Variants in NAB1 observed in about 807,000 individuals in gnomAD.
NAB1 encodes NGFI-A binding protein 1, also known as NGFI-A-binding protein 1.
A neutral mutation model predicts 49.9 loss-of-function variants in NAB1; 25 were observed. That is an observed-to-expected ratio of 0.50 (90% CI 0.37 to 0.70). The LOEUF (loss-of-function observed/expected upper bound fraction) is 0.70. NAB1 is among the 30% of genes least tolerant of loss of function. NAB1 has a pLI of 0.00. For missense variants in NAB1, 489 were observed against 575.9 expected (o/e 0.85, Z 1.54); for synonymous variants, 198 against 215.6 (o/e 0.92, Z 0.71).
rs1001074678 is a variant in NAB1 at position 190,685,676 on chromosome 2, A to C, written c.1258+38A>C. 6.9e-7 allele frequency: 1 copy of C among 1,447,662 alleles called. No individual in the cohort carries two copies. The highest frequency in any genetic ancestry group is 9.2e-7 in the Non-Finnish European group (1 of 1,089,116). The allele number at this position is 1,447,662 out of a possible 1,614,324, so 89.7% of individuals were successfully genotyped here. A position where few individuals can be genotyped will look rare whatever the true frequency, so the allele number is the denominator to read the frequency against. ...AATATCCTATGCCTTTAGGGCCACT[A>C]TGTGCACTTCAAAGAGAAACAGAAG... is the stretch of plus-strand genomic sequence containing the variant. On this transcript the variant is annotated intron_variant, in intron 8 of 9. Coordinates refer to ENST00000337386, the MANE Select transcript of NAB1 (RefSeq NM_005966.4). This position sits in a 1 kb window ranked among gnomAD's most constrained non-coding sequence, Gnocchi z 4.5.
rs886323879 is a variant in NAB1, at chr2:190,659,047, C to T, written c.-19-111C>T. 8.8e-6 allele frequency: 6 copies of T among 679,512 alleles called. No individual in the cohort carries two copies. Among genetic ancestry groups the T allele is most frequent in the Admixed American group, 5.9e-5 (2 of 33,676 alleles). 42.1% of individuals were successfully genotyped at this position (679,512 alleles called of 1,614,324 possible). A position where few individuals can be genotyped will look rare whatever the true frequency, so the allele number is the denominator to read the frequency against. On this transcript the variant is annotated intron_variant, in intron 3 of 9. Coordinates refer to ENST00000337386, the MANE Select transcript of NAB1 (RefSeq NM_005966.4). The surrounding 1 kb of genome is among the most constrained non-coding windows in gnomAD (Gnocchi z 6.2). Reference sequence around the variant, plus strand: ...AGAATGCTGCCTTCACAGGCAGTCACGATGCAGATGCTTCTCGTTTTTGTT... The same window carrying T: ...AGAATGCTGCCTTCACAGGCAGTCATGATGCAGATGCTTCTCGTTTTTGTT...
At chr2:190,650,124 G>A (rs1025949313) in intron 2 of NAB1, 142 bp downstream of exon 2, 1 of 152,240 alleles carries the variant, frequency 6.6e-6, no homozygotes, top group African/African-American at 2.4e-5. Context: ...CGGGGAAAGG[G>A]ATAGTTGAGA....
rs1695521508 is a variant in NAB1 at position 190,684,748 on chromosome 2, A to G, written c.1096-728A>G. Among the ~76,000 whole-genome samples the G allele has an allele frequency of 6.6e-6, 1 of 152,202 alleles. No homozygotes were observed. The highest frequency in any genetic ancestry group is 1.5e-5 in the Non-Finnish European group (1 of 68,026). On this transcript the variant is annotated intron_variant, in intron 7 of 9. Coordinates refer to ENST00000337386, the MANE Select transcript of NAB1 (RefSeq NM_005966.4). The surrounding 1 kb of genome is among the most constrained non-coding windows in gnomAD (Gnocchi z 4.6). ...TTTTGACTATTATCTCCTTGGCAAAATACCACAAATACACTGCTCTGAATA... is the reference window on the plus strand; with the variant it reads ...TTTTGACTATTATCTCCTTGGCAAAGTACCACAAATACACTGCTCTGAATA...
Position 190,690,292 on chromosome 2 carries a change from G to A in NAB1, c.1423G>A (p.Glu475Lys). Reference sequence around the variant, plus strand: ...CTACCCTCATTCAGCTTTTACCTTAGAAAAGAAAGTCATCAAAACAGAGCC... The same window carrying A: ...CTACCCTCATTCAGCTTTTACCTTAAAAAAGAAAGTCATCAAAACAGAGCC... ...KDYPHSAFTLEKKVIKTEPED... is the reference protein window; with the variant it reads ...KDYPHSAFTLKKKVIKTEPED... Residue 475 changes from glutamate to lysine, a missense_variant, in exon 10 of 10, where the codon GAA becomes AAA. By Grantham distance (56) the Glu-to-Lys change is moderately conservative. Transcript: ENST00000337386. The A allele has an allele frequency of 1.2e-6, 2 of 1,612,870 alleles. No homozygotes were observed. The highest frequency in any genetic ancestry group is 1.1e-5 in the South Asian group (1 of 91,034).
Position 190,669,296 on chromosome 2 carries a change from C to G in NAB1, c.820-1030C>G, listed in dbSNP as rs1694683971. On this transcript the variant is annotated intron_variant, in intron 4 of 9. Transcript: ENST00000337386. The surrounding 1 kb of genome is among the most constrained non-coding windows in gnomAD (Gnocchi z 4.3). Reference sequence around the variant, plus strand: ...CAGCAAAACTGTGGGTAAGGGGGTACTGCCGTACCTGATTTCTTATGAAAA... The same window carrying G: ...CAGCAAAACTGTGGGTAAGGGGGTAGTGCCGTACCTGATTTCTTATGAAAA... Among the ~76,000 whole-genome samples, 1 of 152,222 alleles carries G rather than the reference C, an allele frequency of 6.6e-6. No individual in the cohort carries two copies. Among genetic ancestry groups the G allele is most frequent in the East Asian group, 1.9e-4 (1 of 5,200 alleles).
chr2:190,661,318 G>T (rs1694214420), intron 4 of NAB1, among the ~76,000 whole-genome samples: 1 of 152,188 alleles, frequency 6.6e-6, no homozygotes, highest in Admixed American at 6.5e-5. Flanking sequence ...GTCATAGCCA[G>T]CCTGTGACTT....
rs141322624 is a variant in NAB1 at position 190,675,283 on chromosome 2, C to T, written c.1005+2131C>T. 9.8e-5 allele frequency among the ~76,000 whole-genome samples: 15 copies of T among 152,338 alleles called. No individual in the cohort carries two copies. The East Asian group carries it at 1.5e-3, about 16-fold the overall frequency. ...ATTCAGGCTGCTCACATTTAAGCCACACTTGTCTAGCTTTAGAGGTCACTA... is the reference window on the plus strand; with the variant it reads ...ATTCAGGCTGCTCACATTTAAGCCATACTTGTCTAGCTTTAGAGGTCACTA... On this transcript the variant is annotated intron_variant, in intron 6 of 9. Transcript: ENST00000337386. This position sits in a 1 kb window ranked among gnomAD's most constrained non-coding sequence, Gnocchi z 5.2.
chr2:190,659,670 A>G lies in NAB1; in HGVS notation c.494A>G (p.His165Arg). The G allele has an allele frequency of 6.8e-6, 11 of 1,613,880 alleles. No homozygotes were observed. The highest frequency in any genetic ancestry group is 1.1e-5 in the South Asian group (1 of 91,070). Residue 165 changes from histidine (H) to arginine (R), a missense_variant, in exon 4 of 10, where the codon CAT (histidine) becomes CGT (arginine). His to Arg is a conservative substitution (Grantham distance 29, BLOSUM62 0). This residue lies in a region of NAB1 where 204 missense variants were observed against 220.9 expected (regional missense o/e 0.92). Coordinates refer to ENST00000337386, the MANE Select transcript of NAB1 (RefSeq NM_005966.4). The surrounding 1 kb of genome is among the most constrained non-coding windows in gnomAD (Gnocchi z 6.2). ...GAGTCCAGACTCTGGCAAGGCCACC[A>G]TGCCACTGAGAGCGAGCACAGCCTC... is the stretch of plus-strand genomic sequence containing the variant. ...VGESRLWQGH[H>R]ATESEHSLSP...
rs947244433 is a variant in NAB1 at position 190,669,955 on chromosome 2, G to T, written c.820-371G>T. On this transcript the variant is annotated intron_variant, in intron 4 of 9. Transcript: ENST00000337386. The surrounding 1 kb of genome is among the most constrained non-coding windows in gnomAD (Gnocchi z 4.3). ...GTCAGACCATCTACATTCATTTTTGGTTAGAGAAATGGTGTCAGCAAATCC... is the reference window on the plus strand; with the variant it reads ...GTCAGACCATCTACATTCATTTTTGTTTAGAGAAATGGTGTCAGCAAATCC... 1.3e-5 allele frequency among the ~76,000 whole-genome samples: 2 copies of T among 152,052 alleles called. No individual in the cohort carries two copies. The highest frequency in any genetic ancestry group is 2.9e-5 in the Non-Finnish European group (2 of 67,986).
Position 190,680,911 on chromosome 2 carries a change from T to G in NAB1, c.1006-2827T>G, listed in dbSNP as rs1574471334. Among the ~76,000 whole-genome samples, 1 of 152,238 alleles carries G rather than the reference T, an allele frequency of 6.6e-6. No individual in the cohort carries two copies. The highest frequency in any genetic ancestry group is 1.5e-5 in the Non-Finnish European group (1 of 68,038). ...CTGTGTTAAGTATTTTTCATGAATT[T>G]TCTGCTTCCTTAAAATGATTCTGCA... On this transcript the variant is annotated intron_variant, in intron 6 of 9. Coordinates refer to ENST00000337386, the MANE Select transcript of NAB1 (RefSeq NM_005966.4). This position sits in a 1 kb window ranked among gnomAD's most constrained non-coding sequence, Gnocchi z 5.2.
Position 190,670,249 on chromosome 2 carries a change from A to G in NAB1, c.820-77A>G, listed in dbSNP as rs1208847826. ...CATTATATAATGGTGTAACATTCTT[A>G]TATTTTAAGTGAAACCTTTTGCATT... On this transcript the variant is annotated intron_variant, in intron 4 of 9. Coordinates refer to ENST00000337386, the MANE Select transcript of NAB1 (RefSeq NM_005966.4). This position sits in a 1 kb window ranked among gnomAD's most constrained non-coding sequence, Gnocchi z 5.3. 1 of 1,335,866 alleles carries G rather than the reference A, an allele frequency of 7.5e-7. No individual in the cohort carries two copies. Among genetic ancestry groups the G allele is most frequent in the Non-Finnish European group, 1.0e-6 (1 of 965,190 alleles). The allele number at this position is 1,335,866 out of a possible 1,614,324, so 82.8% of individuals were successfully genotyped here.
intron 9 of NAB1, among the ~76,000 whole-genome samples, chr2:190,688,448 T>A (rs2125886771): frequency 6.6e-6 from 1 of 152,374 alleles, no homozygotes; most frequent in African/African-American, 2.4e-5. Flanking sequence ...TTGTAGCCAT[T>A]TTAATAATGT....
At position 190,654,527 on chromosome 2, in the gene NAB1, G is replaced by A. The variant is rs767159150; in HGVS notation, c.-196-1450G>A. ...TGGCACAGGGGCAGGGAAGTGGAAG[G>A]CATATTTGAGGAATGCCTAGTGTAT... On this transcript the variant is annotated intron_variant, in intron 2 of 9. Coordinates refer to ENST00000337386, the MANE Select transcript of NAB1 (RefSeq NM_005966.4). This position sits in a 1 kb window ranked among gnomAD's most constrained non-coding sequence, Gnocchi z 5.6. 6.6e-5 allele frequency among the ~76,000 whole-genome samples: 10 copies of A among 152,154 alleles called. No homozygotes were observed. Among genetic ancestry groups the A allele is most frequent in the Non-Finnish European group, 1.2e-4 (8 of 68,022 alleles).
rs1178086611 is a variant in NAB1, at chr2:190,691,980, T to C, written c.*1647T>C. On this transcript the variant is annotated 3_prime_UTR_variant, in exon 10 of 10. Coordinates refer to ENST00000337386, the MANE Select transcript of NAB1 (RefSeq NM_005966.4). The surrounding 1 kb of genome is among the most constrained non-coding windows in gnomAD (Gnocchi z 4.1). ...AACAACTTTTATACTGTTAAAAGGC[T>C]TTTTTCCCCTTCCTAAATGTTTTAA... 6.6e-6 allele frequency: 1 copy of C among 152,636 alleles called. No homozygotes were observed. The highest frequency in any genetic ancestry group is 1.5e-5 in the Non-Finnish European group (1 of 68,026). 9.5% of individuals were successfully genotyped at this position (152,636 alleles called of 1,614,324 possible). A position where few individuals can be genotyped will look rare whatever the true frequency, so the allele number is the denominator to read the frequency against.
intron 4 of NAB1, among the ~76,000 whole-genome samples, chr2:190,665,816 T>C (rs748347118): frequency 3.9e-5 from 6 of 152,210 alleles, no homozygotes; most frequent in Non-Finnish European, 5.9e-5. Context: ...CAGATAATTT[T>C]CTTTGCATTC....
At chr2:190,649,019 T>C (rs1574402730), upstream of NAB1, 1 of 129,636 alleles carries the variant, frequency 7.7e-6, no homozygotes, top group African/African-American at 2.9e-5. This position sits in a 1 kb window ranked among gnomAD's most constrained non-coding sequence, Gnocchi z 6.1. Flanking sequence ...GGGAGGAGGG[T>C]GTAGCGCGCG....
chr2:190,689,227 C>G lies in NAB1; in HGVS notation c.1376-1018C>G, dbSNP rs1447324907. Among the ~76,000 whole-genome samples, 1 of 152,154 alleles carries G rather than the reference C, an allele frequency of 6.6e-6. No individual in the cohort carries two copies. The highest frequency in any genetic ancestry group is 1.5e-5 in the Non-Finnish European group (1 of 68,026). ...CCGATACTTGACTGAGTGACCCTGA[C>G]TGAGTTACTTAAGTACTCGTCCTTC... On this transcript the variant is annotated intron_variant, in intron 9 of 9. Coordinates refer to ENST00000337386, the MANE Select transcript of NAB1 (RefSeq NM_005966.4). This position sits in a 1 kb window ranked among gnomAD's most constrained non-coding sequence, Gnocchi z 4.3.
rs954498591 is a variant in NAB1, at chr2:190,652,310, C to T, written c.-197+2328C>T. Among the ~76,000 whole-genome samples the T allele has an allele frequency of 6.6e-6, 1 of 152,138 alleles. No homozygotes were observed. The highest frequency in any genetic ancestry group is 2.4e-5 in the African/African-American group (1 of 41,438). ...GAAACTTCTGAAAAGGTGAAAAAAA[C>T]TTATAAATATTGCCTGCATACTCTG... On this transcript the variant is annotated intron_variant, in intron 2 of 9. Transcript: ENST00000337386. This position sits in a 1 kb window ranked among gnomAD's most constrained non-coding sequence, Gnocchi z 4.2.
At position 190,682,704 on chromosome 2, in the gene NAB1, G is replaced by T. The variant is rs1695408625; in HGVS notation, c.1006-1034G>T. Among the ~76,000 whole-genome samples, 1 of 152,070 alleles carries T rather than the reference G, an allele frequency of 6.6e-6. No homozygotes were observed. Among genetic ancestry groups the T allele is most frequent in the Non-Finnish European group, 1.5e-5 (1 of 68,014 alleles). On this transcript the variant is annotated intron_variant, in intron 6 of 9. Transcript: ENST00000337386. This position sits in a 1 kb window ranked among gnomAD's most constrained non-coding sequence, Gnocchi z 4.1. ...CAACAGTTGAAATCACAAAATAAAAGTATGTACAACTATAGCATATAAAAC... is the reference window on the plus strand; with the variant it reads ...CAACAGTTGAAATCACAAAATAAAATTATGTACAACTATAGCATATAAAAC...
Sources: allele counts gnomAD v4.1 joint callset (sites outside exome capture counted in the v4.1 genomes callset), GRCh38; gene constraint gnomAD v4.1.1; regional missense constraint gnomAD v4.1.1; non-coding constraint Gnocchi (gnomAD v3.1); transcripts MANE v1.5; gene names NCBI Gene and HGNC (gene_info 2026-07-23, HGNC 2026-07-21).